The following AOAH variants were observed in gnomAD, a reference collection of about 807,000 sequenced individuals.
The protein encoded by AOAH is acyloxyacyl hydrolase, also known as acyloxyacyl hydrolase (neutrophil).
A neutral mutation model predicts 92.2 loss-of-function variants in AOAH; 64 were observed. The observed-to-expected ratio is 0.69, with a 90% confidence interval of 0.57 to 0.86. The LOEUF is 0.86. Ranked by LOEUF, AOAH falls within the 40% of genes least tolerant of loss-of-function variation. The pLI is 0.00. For missense variants in AOAH, 656 were observed against 694.6 expected (o/e 0.94, Z 0.62); for synonymous variants, 263 against 254.5 (o/e 1.03, Z -0.32).
At position 36,566,802 on chromosome 7, in the gene AOAH, G is replaced by A. The variant is rs538440333; in HGVS notation, c.1021+9772C>T. The stretch of plus-strand genomic sequence containing the variant: ...GGAAAAATGCCTCACGTAAGCATGC[G>A]TGTAACTTCAGTGAACACACTGCGC... On this transcript the variant is annotated intron_variant, in intron 13 of 20. Coordinates refer to ENST00000617537, the MANE Select transcript of AOAH (RefSeq NM_001637.4). 1.4e-4 allele frequency among the ~76,000 whole-genome samples: 22 copies of A among 152,204 alleles called. No homozygotes were observed. The East Asian group carries it at 2.7e-3, about 19-fold the overall frequency.
chr7:36,657,733 G>C (rs1794974411), intron 4 of AOAH, among the ~76,000 whole-genome samples: 1 of 152,208 alleles, frequency 6.6e-6, no homozygotes. Flanking sequence ...CTTGCAGCCA[G>C]AGGCAGTCGA....
chr7:36,541,019 T>G (rs945494578), intron 15 of AOAH, among the ~76,000 whole-genome samples: 6 of 152,276 alleles, frequency 3.9e-5, no homozygotes, highest in Non-Finnish European at 7.3e-5. Flanking sequence ...TTACTTATGA[T>G]TTATTTGACA....
intron 6 of AOAH, among the ~76,000 whole-genome samples, 187 bp from the exon 7 acceptor site, chr7:36,623,437 CTT>C (rs1424457057): frequency 2.0e-5 from 3 of 152,188 alleles, no homozygotes; most frequent in Non-Finnish European, 4.4e-5. Context: ...AATCTCTGCT[CTT>C]TACCCAACAG....
intron 12 of AOAH, among the ~76,000 whole-genome samples, chr7:36,592,672 T>G (rs566889836): frequency 5.3e-5 from 8 of 152,354 alleles, no homozygotes; most frequent in African/African-American, 1.9e-4. Flanking sequence ...TCTTATTCTG[T>G]CTATTTGCCC....
chr7:36,706,938 A>C (rs568038972), intron 1 of AOAH, among the ~76,000 whole-genome samples: 1 of 152,264 alleles, frequency 6.6e-6, no homozygotes, highest in East Asian at 1.9e-4. Context: ...TATCTAGACC[A>C]TGAAAAGTTT....
At chr7:36,589,344 G>A (rs1346807302) in intron 12 of AOAH, among the ~76,000 whole-genome samples, 3 of 152,136 alleles carry the variant, frequency 2.0e-5, no homozygotes, top group Non-Finnish European at 4.4e-5. Flanking sequence ...ACACAACACA[G>A]GGCTTACTGT....
intron 11 of AOAH, among the ~76,000 whole-genome samples, chr7:36,606,135 A>G (rs1470202273): frequency 6.6e-6 from 1 of 152,214 alleles, no homozygotes; most frequent in Non-Finnish European, 1.5e-5. Flanking sequence ...GAATTCCCAT[A>G]TTTTGTATGC....
intron 1 of AOAH, among the ~76,000 whole-genome samples, chr7:36,688,328 T>C (rs1250358195): frequency 1.3e-5 from 2 of 152,152 alleles, no homozygotes; most frequent in Admixed American, 1.3e-4. Context: ...GAAAAGATAA[T>C]AAACATCACT....
intron 4 of AOAH, among the ~76,000 whole-genome samples, chr7:36,638,593 G>A (rs1330662904): frequency 2.6e-5 from 4 of 152,082 alleles, no homozygotes; most frequent in African/African-American, 9.7e-5. Flanking sequence ...GGTGGGAGAA[G>A]AGTAACCCTG....
At chr7:36,525,984 G>T (rs1784378509) in intron 19 of AOAH, among the ~76,000 whole-genome samples, 2 of 152,150 alleles carry the variant, frequency 1.3e-5, no homozygotes, top group Admixed American at 6.5e-5. Context: ...GGGGGAATAG[G>T]AGCGTACCCT....
At chr7:36,569,497 CT>C in intron 13 of AOAH, among the ~76,000 whole-genome samples, 1 of 151,584 alleles carries the variant, frequency 6.6e-6, no homozygotes, top group Non-Finnish European at 1.5e-5. Context: ...ATCTATCTAT[CT>C]ATCTATCTAT....
chr7:36,556,045 T>C (rs919421650), intron 13 of AOAH, among the ~76,000 whole-genome samples: 1 of 152,184 alleles, frequency 6.6e-6, no homozygotes, highest in African/African-American at 2.4e-5. Context: ...GTGTTTGCTC[T>C]TGTTTTTCTA....
chr7:36,529,153 G>T (rs10951483), intron 19 of AOAH, among the ~76,000 whole-genome samples: 64,382 of 151,854 alleles, frequency 0.42, 15,679 homozygotes, highest in Non-Finnish European at 0.54. Context: ...GGGCTGGAAA[G>T]GGAGTTTAAA....
At chr7:36,518,210 GTTGTTA>G (rs1562855486) in intron 20 of AOAH, among the ~76,000 whole-genome samples, 1 of 151,386 alleles carries the variant, frequency 6.6e-6, no homozygotes, top group East Asian at 1.9e-4. Flanking sequence ...TGTTTTGTTT[GTTGTTA>G]TTGTTGTTTT....
intron 3 of AOAH, among the ~76,000 whole-genome samples, chr7:36,664,807 C>T (rs1290916615): frequency 1.3e-5 from 2 of 152,170 alleles, no homozygotes; most frequent in Non-Finnish European, 2.9e-5. Context: ...GCTCCAGCAT[C>T]TCCTTTGAGT....
chr7:36,580,230 C>T (rs1297846753), intron 12 of AOAH, among the ~76,000 whole-genome samples: 11 of 152,196 alleles, frequency 7.2e-5, no homozygotes, highest in East Asian at 1.9e-4. Flanking sequence ...TCATCTGAAC[C>T]GGTCTTGTAA....
chr7:36,539,334 A>G (rs2068180942), intron 16 of AOAH, among the ~76,000 whole-genome samples: 1 of 152,192 alleles, frequency 6.6e-6, no homozygotes, highest in South Asian at 2.1e-4. Flanking sequence ...AGATTGGTGC[A>G]GGTGCTGTCA....
intron 2 of AOAH, among the ~76,000 whole-genome samples, chr7:36,681,970 A>G (rs4596555): frequency 0.28 from 42,959 of 152,118 alleles, 7,484 homozygotes; most frequent in African/African-American, 0.49. Flanking sequence ...TGTGAGGGAG[A>G]AAGTAGAGGG....
chr7:36,697,745 G>A (rs923886998), intron 1 of AOAH, among the ~76,000 whole-genome samples: 1 of 152,158 alleles, frequency 6.6e-6, no homozygotes, highest in Admixed American at 6.6e-5. Context: ...GGTTCTTGTA[G>A]ATGTATTAGT....
Sources: allele counts gnomAD v4.1 joint callset (sites outside exome capture counted in the v4.1 genomes callset), GRCh38; gene constraint gnomAD v4.1.1; transcripts MANE v1.5; gene names NCBI Gene and HGNC (gene_info 2026-07-23, HGNC 2026-07-21).